The following LDLRAD4 variants were observed in gnomAD, a reference collection of about 807,000 sequenced individuals.
LDLRAD4 encodes the protein low-density lipoprotein receptor class A domain-containing protein 4.
LDLRAD4 carries 5 observed loss-of-function variants against 17.0 expected under a neutral mutation model. The observed-to-expected ratio is 0.29, with a 90% CI of 0.15 to 0.62. LDLRAD4 has a LOEUF of 0.62. Among genes scored for constraint, LDLRAD4 ranks in the 20% least tolerant of loss-of-function variants. The pLI is 0.84. For synonymous variants in LDLRAD4, 168 were observed against 171.8 expected, an observed-to-expected ratio of 0.98 and a Z score of 0.17; for missense variants, 340 against 424.7, an observed-to-expected ratio of 0.80 and a Z score of 1.75.
At chr18:13,283,204 C>G (rs1056502255) in intron 1 of LDLRAD4, among the ~76,000 whole-genome samples, 1 of 152,220 alleles carries the variant, frequency 6.6e-6, no homozygotes, top group Non-Finnish European at 1.5e-5. Context: ...TCCCCATGGT[C>G]TTGGAGATTA....
intron 3 of LDLRAD4, among the ~76,000 whole-genome samples, chr18:13,556,560 A>C (rs934397235): frequency 1.1e-4 from 16 of 152,340 alleles, no homozygotes; most frequent in African/African-American, 3.4e-4. Flanking sequence ...ACATAGACCA[A>C]GGAGAGAGAA....
chr18:13,553,839 A>T (rs1435396064), intron 3 of LDLRAD4, among the ~76,000 whole-genome samples: 1 of 152,088 alleles, frequency 6.6e-6, no homozygotes, highest in Admixed American at 6.6e-5. Context: ...TGGCCTTGCG[A>T]GCGTGTCTAT....
At chr18:13,528,969 A>G (rs2094081952) in intron 3 of LDLRAD4, among the ~76,000 whole-genome samples, 1 of 152,242 alleles carries the variant, frequency 6.6e-6, no homozygotes, top group African/African-American at 2.4e-5. Context: ...GAGAGCTTAG[A>G]TCCTCGGCCG....
At chr18:13,287,564 C>T (rs781182149) in intron 1 of LDLRAD4, among the ~76,000 whole-genome samples, 12 of 152,262 alleles carry the variant, frequency 7.9e-5, no homozygotes, top group Non-Finnish European at 1.6e-4. Context: ...CTGGTGACTA[C>T]GACGGCGCCA....
At chr18:13,473,636 C>CATATATATAT (rs71366054) in intron 3 of LDLRAD4, among the ~76,000 whole-genome samples, 22 of 28,750 alleles carry the variant, frequency 7.7e-4, no homozygotes, top group Non-Finnish European at 9.5e-4. Context: ...GATCCCATCT[C>CATATATATAT]ATATATATAT....
In LDLRAD4 at chr18:13,438,402, C is replaced by T; in HGVS notation, c.181+18C>T. 1.2e-6 allele frequency: 2 copies of T among 1,610,516 alleles called. No homozygotes were observed. Among genetic ancestry groups the T allele is most frequent in the African/African-American group, 1.3e-5 (1 of 74,998 alleles). On this transcript the variant is annotated intron_variant, in intron 3 of 5. Transcript: ENST00000359446. ...CTTCAACTGTAAGTCTCTCCTCCCA[C>T]CTGGGTGGCACTGTCTGATGTGGTT...
chr18:13,347,574 A>G (rs2082766546), intron 1 of LDLRAD4, among the ~76,000 whole-genome samples: 1 of 152,110 alleles, frequency 6.6e-6, no homozygotes, highest in Non-Finnish European at 1.5e-5. Flanking sequence ...CTCGAGGAGT[A>G]TCTTTGTGGC....
At chr18:13,543,255 G>A (rs1373092755) in intron 3 of LDLRAD4, 2 of 152,180 alleles carry the variant, frequency 1.3e-5, no homozygotes, top group Non-Finnish European at 2.9e-5. Flanking sequence ...ATCTAAAAGG[G>A]GCTGGAACTA....
intron 3 of LDLRAD4, among the ~76,000 whole-genome samples, chr18:13,495,780 G>A (rs1008686767): frequency 6.6e-6 from 1 of 152,220 alleles, no homozygotes; most frequent in African/African-American, 2.4e-5. Context: ...CTGAGATGGC[G>A]ACTGAAACTC....
At chr18:13,544,594 C>T (rs529090696) in intron 3 of LDLRAD4, among the ~76,000 whole-genome samples, 10 of 152,194 alleles carry the variant, frequency 6.6e-5, no homozygotes, top group Non-Finnish European at 1.0e-4. Context: ...GATGGGAAAG[C>T]GGAGTTCGTG....
chr18:13,644,069 G>A (rs999327496), intron 5 of LDLRAD4, among the ~76,000 whole-genome samples: 3 of 152,082 alleles, frequency 2.0e-5, no homozygotes, highest in Non-Finnish European at 1.5e-5. Context: ...TATTTTTCAT[G>A]TCAGTGACTA....
chr18:13,526,928 T>C (rs1028979707), intron 3 of LDLRAD4, among the ~76,000 whole-genome samples: 5 of 152,168 alleles, frequency 3.3e-5, no homozygotes, highest in African/African-American at 1.2e-4. Context: ...CCCTGAGTGG[T>C]GTCCTGGCCC....
At chr18:13,582,825 G>C (rs2094881835) in intron 3 of LDLRAD4, among the ~76,000 whole-genome samples, 1 of 152,204 alleles carries the variant, frequency 6.6e-6, no homozygotes. Flanking sequence ...CAAACTTCCT[G>C]CCTCAGCCTC....
At chr18:13,368,703 A>G (rs2084249023) in intron 1 of LDLRAD4, among the ~76,000 whole-genome samples, 1 of 152,194 alleles carries the variant, frequency 6.6e-6, no homozygotes, top group South Asian at 2.1e-4. Context: ...GTTTGGGAGC[A>G]TCTTCAGTTT....
At chr18:13,631,119 C>A (rs952703081) in intron 4 of LDLRAD4, among the ~76,000 whole-genome samples, 3 of 152,170 alleles carry the variant, frequency 2.0e-5, no homozygotes, top group Non-Finnish European at 2.9e-5. Context: ...CACAAGGGAA[C>A]CCTCAGTAAG....
chr18:13,304,184 C>G (rs1032227442), intron 1 of LDLRAD4, among the ~76,000 whole-genome samples: 4 of 152,212 alleles, frequency 2.6e-5, no homozygotes, highest in African/African-American at 9.6e-5. Context: ...CAGGGCTCAT[C>G]TTGGTGGATG....
intron 2 of LDLRAD4, among the ~76,000 whole-genome samples, chr18:13,429,122 A>G (rs2090149859): frequency 6.6e-6 from 1 of 152,088 alleles, no homozygotes; most frequent in Admixed American, 6.6e-5. Flanking sequence ...GTGCAGTGCC[A>G]TGTGCGTCGG....
Position 13,347,763 on chromosome 18 carries a change from G to T in LDLRAD4, c.-382-39578G>T, listed in dbSNP as rs527583466. Among the ~76,000 whole-genome samples, 90 of 152,264 alleles carry T rather than the reference G, an allele frequency of 5.9e-4. 1 individual carries two copies. The highest frequency in any genetic ancestry group is 4.8e-3 in the Admixed American group (74 of 15,288). On this transcript the variant is annotated intron_variant, in intron 1 of 5. Coordinates refer to ENST00000359446, the Ensembl canonical transcript of LDLRAD4. ...TAGTCCCATATTTCTTGGAGGCTTT[G>T]TTCATTTCTTTTTATTCTTTTTTCT...
chr18:13,275,384 G>A (rs1341554404), upstream of LDLRAD4, among the ~76,000 whole-genome samples: 1 of 152,214 alleles, frequency 6.6e-6, no homozygotes, highest in Non-Finnish European at 1.5e-5. Context: ...GAAGTTGTGT[G>A]TTCATTCTTT....
Sources: gnomAD v4.1 joint callset for allele counts (sites outside exome capture counted in the v4.1 genomes callset) on GRCh38, gnomAD v4.1.1 for gene constraint, MANE v1.5 for transcripts, NCBI Gene and HGNC (gene_info 2026-07-23, HGNC 2026-07-21) for gene names.